The following CNTN5 variants were observed in gnomAD, a reference collection of about 807,000 sequenced individuals.
CNTN5 encodes the protein contactin-5.
In CNTN5, 77 loss-of-function variants were observed where a neutral mutation model predicts 129.1. The observed-to-expected ratio is 0.60, with a 90% CI of 0.50 to 0.72. The LOEUF (loss-of-function observed/expected upper bound fraction) is 0.72, where lower values mean the gene tolerates loss of function less well. Among genes scored for constraint, CNTN5 ranks in the 30% least tolerant of loss-of-function variants. The pLI, the probability that CNTN5 is intolerant of heterozygous loss-of-function variation, is 0.00. For missense variants in CNTN5, 1,478 were observed against 1,328.8 expected, an observed-to-expected ratio of 1.11 and a Z score of -1.75; for synonymous variants, 509 against 465.6, an observed-to-expected ratio of 1.09 and a Z score of -1.20.
chr11:99,185,432 A>G (rs1858294049), intron 1 of CNTN5, among the ~76,000 whole-genome samples: 1 of 151,944 alleles, frequency 6.6e-6, no homozygotes, highest in Non-Finnish European at 1.5e-5. Context: ...GAAAATGATT[A>G]CTAAAATAGA....
chr11:100,210,428 T>C (rs1949007185), intron 15 of CNTN5, among the ~76,000 whole-genome samples: 1 of 151,946 alleles, frequency 6.6e-6, no homozygotes, highest in African/African-American at 2.4e-5. Context: ...AACTTATTTA[T>C]ATAGATTATA....
chr11:99,894,412 T>G (rs561456518), intron 6 of CNTN5, among the ~76,000 whole-genome samples: 2 of 151,438 alleles, frequency 1.3e-5, no homozygotes, highest in East Asian at 3.9e-4. Context: ...GTTTCAAATT[T>G]TATAGGTTTT....
intron 3 of CNTN5, among the ~76,000 whole-genome samples, chr11:99,664,550 G>A (rs1007913465): frequency 5.9e-5 from 9 of 152,080 alleles, no homozygotes; most frequent in South Asian, 4.1e-4. Flanking sequence ...GGCATTTTTC[G>A]CTATAGCCAT....
chr11:100,272,142 AAT>A (rs1273760753), intron 18 of CNTN5, among the ~76,000 whole-genome samples: 10 of 152,152 alleles, frequency 6.6e-5, no homozygotes, highest in Non-Finnish European at 1.3e-4. Context: ...GCTCAATGAT[AAT>A]ATATGAGTCT....
intron 3 of CNTN5, among the ~76,000 whole-genome samples, chr11:99,811,777 T>C (rs145762194): frequency 6.6e-6 from 1 of 152,198 alleles, no homozygotes; most frequent in East Asian, 1.9e-4. Context: ...AATTGAGTTT[T>C]ATCACAAAAT....
chr11:99,288,197 A>G (rs984642003), intron 1 of CNTN5, among the ~76,000 whole-genome samples: 31 of 151,930 alleles, frequency 2.0e-4, no homozygotes, highest in African/African-American at 7.2e-4. Context: ...ATGAAAGCAA[A>G]TTGTTTGCTA....
intron 6 of CNTN5, among the ~76,000 whole-genome samples, chr11:99,915,193 G>A (rs886489386): frequency 3.3e-5 from 5 of 152,050 alleles, no homozygotes; most frequent in African/African-American, 1.2e-4. Context: ...CAATAAAGTA[G>A]TCTAAAAGTT....
chr11:99,289,105 C>T (rs1864061858), intron 1 of CNTN5, among the ~76,000 whole-genome samples: 1 of 151,762 alleles, frequency 6.6e-6, no homozygotes, highest in Non-Finnish European at 1.5e-5. Context: ...ATAATAAACA[C>T]TTAGAGTTAG....
chr11:100,143,814 A>G (rs78656189), intron 13 of CNTN5, among the ~76,000 whole-genome samples: 3,916 of 152,232 alleles, frequency 0.026, 169 homozygotes, highest in African/African-American at 0.086. Context: ...TGAGGTAGCC[A>G]GAGGGATGCT....
chr11:99,269,944 G>C (rs1359309830), intron 1 of CNTN5, among the ~76,000 whole-genome samples: 3 of 125,350 alleles, frequency 2.4e-5, no homozygotes, highest in Non-Finnish European at 3.4e-5. Flanking sequence ...ACTCTACTTG[G>C]GAAAAAATGC....
intron 2 of CNTN5, among the ~76,000 whole-genome samples, chr11:99,381,981 AAAAC>A (rs34922827): frequency 2.0e-5 from 3 of 151,240 alleles, no homozygotes; most frequent in African/African-American, 4.9e-5. Context: ...TCTCCCTTTA[AAAAC>A]AAACAAACAA....
At chr11:100,190,761 A>G (rs1160794654) in intron 13 of CNTN5, among the ~76,000 whole-genome samples, 2 of 149,522 alleles carry the variant, frequency 1.3e-5, no homozygotes, top group African/African-American at 4.9e-5. Context: ...TTTTGAGGTC[A>G]CTCTTGGTTT....
At chr11:99,340,266 T>A (rs750562055) in intron 2 of CNTN5, among the ~76,000 whole-genome samples, 4 of 152,108 alleles carry the variant, frequency 2.6e-5, no homozygotes, top group Non-Finnish European at 5.9e-5. Context: ...CTAGCAAAGA[T>A]GTAAAATAGT....
chr11:100,324,266 C>A (rs1951749667), intron 21 of CNTN5, among the ~76,000 whole-genome samples: 1 of 152,100 alleles, frequency 6.6e-6, no homozygotes, highest in Admixed American at 6.5e-5. Context: ...CTCAGGAATT[C>A]TCATTTATTT....
chr11:99,874,204 A>C (rs1340835423), intron 6 of CNTN5, among the ~76,000 whole-genome samples: 2 of 152,202 alleles, frequency 1.3e-5, no homozygotes, highest in African/African-American at 4.8e-5. Flanking sequence ...CGAAGCTAAA[A>C]TTAAAATAAA....
At chr11:99,140,125 G>A (rs1312401385) in intron 1 of CNTN5, among the ~76,000 whole-genome samples, 3 of 152,046 alleles carry the variant, frequency 2.0e-5, no homozygotes, top group Admixed American at 6.5e-5. Context: ...CACAAAATTA[G>A]CAAAAATACA....
chr11:99,477,355 G>T (rs1327585227), intron 2 of CNTN5, among the ~76,000 whole-genome samples: 1 of 151,722 alleles, frequency 6.6e-6, no homozygotes, highest in Non-Finnish European at 1.5e-5. Flanking sequence ...CTTGTATTCT[G>T]TGATGAATCT....
Position 99,058,715 on chromosome 11 carries a change from T to A in CNTN5, c.-210+37445T>A, listed in dbSNP as rs537538526. Among the ~76,000 whole-genome samples, 74 of 151,874 alleles carry A rather than the reference T, an allele frequency of 4.9e-4. No individual in the cohort carries two copies. The East Asian group carries it at 0.014, about 28-fold the overall frequency. ...TCTCCAATTTGGCCAGGTTCCTTTT[T>A]CTGCCCAAAGTCTTCCTTCATTGTC... On this transcript the variant is annotated intron_variant, in intron 1 of 24. Coordinates refer to ENST00000524871, the MANE Select transcript of CNTN5 (RefSeq NM_014361.4).
In CNTN5 at chr11:100,297,760, T is replaced by C. The variant is rs1951127324; in HGVS notation, c.2385+65T>C. 4.9e-6 allele frequency: 6 copies of C among 1,233,696 alleles called. No individual in the cohort carries two copies. The South Asian group carries it at 5.3e-5, about 11-fold the overall frequency. 76.4% of individuals were successfully genotyped at this position (1,233,696 alleles called of 1,614,324 possible). The stretch of plus-strand genomic sequence containing the variant: ...TTGTTTGGCTTAGTGTGATATTTAA[T>C]TATTTTATGATTAAGCAGTCCACTT... On this transcript the variant is annotated intron_variant, in intron 19 of 24. Transcript: ENST00000524871.
Sources: gnomAD v4.1 joint callset for allele counts (sites outside exome capture counted in the v4.1 genomes callset) on GRCh38, gnomAD v4.1.1 for gene constraint, MANE v1.5 for transcripts, NCBI Gene and HGNC (gene_info 2026-07-23, HGNC 2026-07-21) for gene names.